Variants in CATSPERE observed in about 807,000 individuals in gnomAD.
CATSPERE encodes catsper channel auxiliary subunit epsilon, also known as cation channel sperm-associated auxiliary subunit epsilon.
Under a neutral mutation model 114.1 loss-of-function variants are expected in CATSPERE, and 93 were observed. The observed-to-expected ratio is 0.81, with a 90% CI of 0.69 to 0.97. The LOEUF (loss-of-function observed/expected upper bound fraction) is 0.97, where lower values mean the gene tolerates loss of function less well. Ranked by LOEUF, CATSPERE falls within the 50% of genes least tolerant of loss-of-function variation. The probability of loss-of-function intolerance (pLI) is 0.00; values close to 1 mark genes in which losing one functional copy is unlikely to be tolerated. For synonymous variants in CATSPERE, 341 were observed against 384.1 expected, an observed-to-expected ratio of 0.89 and a Z score of 1.31; for missense variants, 1,058 against 1,131.6, an observed-to-expected ratio of 0.93 and a Z score of 0.93.
At position 244,479,779 on chromosome 1, in the gene CATSPERE, A is replaced by C. The variant is rs373747776; in HGVS notation, c.321A>C (p.Arg107Ser). 1 of 1,571,418 alleles carries C rather than the reference A, an allele frequency of 6.4e-7. No homozygotes were observed. Among genetic ancestry groups the C allele is most frequent in the Non-Finnish European group, 8.7e-7 (1 of 1,147,790 alleles). ...SSHTCFLWYY[R>S]VRHFFNNFTQ... The stretch of plus-strand genomic sequence containing the variant: ...ATACTTGCTTTCTGTGGTACTATAG[A>C]GTTAGGTAAGTAATGCAGTACTGAA... The change falls in exon 5 of 22, where the codon AGA (arginine) becomes AGC (serine). Residue 107 changes from arginine (R) to serine (S), a missense_variant. Transcript: ENST00000366534.
chr1:244,461,983 TAAAA>T (rs964009056), intron 1 of CATSPERE, among the ~76,000 whole-genome samples: 1 of 147,876 alleles, frequency 6.8e-6, no homozygotes, highest in Non-Finnish European at 1.5e-5. Context: ...TTGGCTAAAT[TAAAA>T]AAAAAAATTG....
chr1:244,472,627 CATT>C (rs1250920159), intron 2 of CATSPERE, among the ~76,000 whole-genome samples: 16 of 152,160 alleles, frequency 1.1e-4, no homozygotes, highest in African/African-American at 2.9e-4. Context: ...ATTGATACAT[CATT>C]ATTAACTATA....
At chr1:244,556,988 C>G (rs1249738395) in intron 9 of CATSPERE, among the ~76,000 whole-genome samples, 1 of 152,026 alleles carries the variant, frequency 6.6e-6, no homozygotes, top group Admixed American at 6.5e-5. Flanking sequence ...ACTCTTCTAT[C>G]TGGATTGTGT....
At chr1:244,455,058 A>T (rs1448490938) in intron 1 of CATSPERE, among the ~76,000 whole-genome samples, 2 of 152,182 alleles carry the variant, frequency 1.3e-5, no homozygotes, top group East Asian at 3.9e-4. Context: ...TGAGCAGTTA[A>T]AAGCCTTTGC....
At chr1:244,572,883 G>A in intron 11 of CATSPERE, 111 bp downstream of exon 11, 1 of 721,308 alleles carries the variant, frequency 1.4e-6, no homozygotes, top group Non-Finnish European at 2.1e-6. Flanking sequence ...AAATGTTGAG[G>A]AATGTCTGAG....
intron 2 of CATSPERE, among the ~76,000 whole-genome samples, chr1:244,476,645 A>T (rs1669401094): frequency 6.6e-6 from 1 of 152,232 alleles, no homozygotes; most frequent in South Asian, 2.1e-4. Context: ...ATGTATGTGT[A>T]TATAATTTTG....
In CATSPERE at chr1:244,575,771, G is replaced by T. The variant is rs1665158085; in HGVS notation, c.1950+2999G>T. ...CTTCCCTTTCCCCTAGGGAGCAGCTGGTGGGAGTGGAGCTTAGCCTCTTTC... is the reference window on the plus strand; with the variant it reads ...CTTCCCTTTCCCCTAGGGAGCAGCTTGTGGGAGTGGAGCTTAGCCTCTTTC... On this transcript the variant is annotated intron_variant, in intron 11 of 21. Transcript: ENST00000366534. The surrounding 1 kb of genome is among the most constrained non-coding windows in gnomAD (Gnocchi z 4.5). 6.6e-6 allele frequency among the ~76,000 whole-genome samples: 1 copy of T among 151,998 alleles called. No homozygotes were observed. Among genetic ancestry groups the T allele is most frequent in the Non-Finnish European group, 1.5e-5 (1 of 67,992 alleles).
chr1:244,464,862 C>G (rs1294376599), intron 2 of CATSPERE, among the ~76,000 whole-genome samples: 1 of 151,686 alleles, frequency 6.6e-6, no homozygotes, highest in Non-Finnish European at 1.5e-5. Context: ...CTCGTTAACA[C>G]AGTGCTATCT....
rs537407950 is a variant in CATSPERE, at chr1:244,605,851, G to A, written c.2403+57G>A. ...GCATGCAACTAGACAATGTCTTCCTGTTTTAAATTTATAAATAAGCGATCT... is the reference window on the plus strand; with the variant it reads ...GCATGCAACTAGACAATGTCTTCCTATTTTAAATTTATAAATAAGCGATCT... On this transcript the variant is annotated intron_variant, in intron 18 of 21. Coordinates refer to ENST00000366534, the MANE Select transcript of CATSPERE (RefSeq NM_001130957.2). 4.1e-5 allele frequency: 50 copies of A among 1,216,780 alleles called. No homozygotes were observed. In the South Asian group the frequency reaches 6.5e-4, roughly 16 times the overall value. The allele number at this position is 1,216,780 out of a possible 1,614,324, so 75.4% of individuals were successfully genotyped here.
intron 5 of CATSPERE, among the ~76,000 whole-genome samples, chr1:244,481,325 C>T (rs1300542039): frequency 6.6e-6 from 1 of 152,034 alleles, no homozygotes; most frequent in East Asian, 1.9e-4. Context: ...GTGGCGGGCG[C>T]CTGTAATCCC....
At position 244,499,054 on chromosome 1, in the gene CATSPERE, T is replaced by C. The variant is rs1673574703; in HGVS notation, c.404T>C (p.Leu135Pro). Reference protein sequence around the residue: ...DPESADPDELLGNAEEPSINS... With the variant: ...DPESADPDELPGNAEEPSINS... ...GAAAGTGCAGATCCTGATGAGTTGCTGGGGAATGCAGAAGAACCTTCAATA... is the reference window on the plus strand; with the variant it reads ...GAAAGTGCAGATCCTGATGAGTTGCCGGGGAATGCAGAAGAACCTTCAATA... The change falls in exon 7 of 22, where the codon CTG (leucine) becomes CCG (proline). Residue 135 changes from leucine (L) to proline (P), a missense_variant. Physicochemically the swap from Leu to Pro is moderately conservative, Grantham distance 98 (BLOSUM62 -3). Transcript: ENST00000366534. The C allele has an allele frequency of 6.2e-7, 1 of 1,612,418 alleles. No homozygotes were observed. The highest frequency in any genetic ancestry group is 8.5e-7 in the Non-Finnish European group (1 of 1,178,680).
At chr1:244,496,529 A>T (rs1325923004) in intron 6 of CATSPERE, among the ~76,000 whole-genome samples, 1 of 152,188 alleles carries the variant, frequency 6.6e-6, no homozygotes, top group Non-Finnish European at 1.5e-5. Context: ...AATTCTCTCC[A>T]CTTGTCAATG....
intron 5 of CATSPERE, among the ~76,000 whole-genome samples, chr1:244,487,045 G>T (rs1341631066): frequency 3.3e-5 from 3 of 89,908 alleles, no homozygotes; most frequent in African/African-American, 1.3e-4. Flanking sequence ...AGGTACAGAC[G>T]CTCGTAGTCA....
At chr1:244,470,659 G>A (rs1178726081) in intron 2 of CATSPERE, among the ~76,000 whole-genome samples, 1 of 152,124 alleles carries the variant, frequency 6.6e-6, no homozygotes, top group African/African-American at 2.4e-5. Context: ...TGCACTTCCA[G>A]TTTTACATCC....
rs542207344 is a variant in CATSPERE, at chr1:244,589,439, C to T, written c.2138+905C>T. On this transcript the variant is annotated intron_variant, in intron 14 of 21. Coordinates refer to ENST00000366534, the MANE Select transcript of CATSPERE (RefSeq NM_001130957.2). Reference sequence around the variant, plus strand: ...TCCTAACATCTTTGCACCCGTAATTCCTTTCCCAGAAAATGCAAAAAGGCT... The same window carrying T: ...TCCTAACATCTTTGCACCCGTAATTTCTTTCCCAGAAAATGCAAAAAGGCT... Among the ~76,000 whole-genome samples, 31 of 152,280 alleles carry T rather than the reference C, an allele frequency of 2.0e-4. No individual in the cohort carries two copies. In the South Asian group the frequency reaches 2.7e-3, roughly 13 times the overall value.
At chr1:244,498,576 G>A (rs980633488) in intron 6 of CATSPERE, among the ~76,000 whole-genome samples, 1 of 152,126 alleles carries the variant, frequency 6.6e-6, no homozygotes, top group African/African-American at 2.4e-5. Flanking sequence ...GAGTGGGGGG[G>A]TGAGGTTGTC....
At chr1:244,456,363 A>G (rs1666165109), upstream of CATSPERE, among the ~76,000 whole-genome samples, 1 of 152,054 alleles carries the variant, frequency 6.6e-6, no homozygotes, top group African/African-American at 2.4e-5. Flanking sequence ...CCAGTAATCC[A>G]ATTAAGAAAC....
intron 7 of CATSPERE, among the ~76,000 whole-genome samples, chr1:244,510,835 C>CTTTTT (rs747921082): frequency 8.8e-3 from 424 of 48,310 alleles, no homozygotes; most frequent in East Asian, 0.013. Flanking sequence ...TTTTCTTTTT[C>CTTTTT]TTTTTTTTTT....
chr1:244,454,058 C>T (rs1300498375), upstream of CATSPERE, among the ~76,000 whole-genome samples: 1 of 152,172 alleles, frequency 6.6e-6, no homozygotes. Context: ...TCTGTCCTCT[C>T]GTCTTTGTGT....
Sources: gnomAD v4.1 joint callset for allele counts (sites outside exome capture counted in the v4.1 genomes callset) on GRCh38, gnomAD v4.1.1 for gene constraint, Gnocchi (gnomAD v3.1) non-coding constraint, MANE v1.5 for transcripts, NCBI Gene and HGNC (gene_info 2026-07-23, HGNC 2026-07-21) for gene names.